The following LARGE1 variants were observed in gnomAD, a reference collection of about 807,000 sequenced individuals.
LARGE1 encodes the protein LARGE xylosyl- and glucuronyltransferase 1, also known as xylosyl- and glucuronyltransferase LARGE1.
LARGE1 carries 43 observed loss-of-function variants against 87.6 expected under a neutral mutation model. The observed-to-expected ratio is 0.49, with a 90% CI of 0.38 to 0.63. LARGE1 has a LOEUF of 0.63. Among genes scored for constraint, LARGE1 ranks in the 30% least tolerant of loss-of-function variants. The pLI is 0.00. For synonymous variants in LARGE1, 434 were observed against 394.6 expected, an observed-to-expected ratio of 1.10 and a Z score of -1.18; for missense variants, 802 against 1,000.2, an observed-to-expected ratio of 0.80 and a Z score of 2.67.
At chr22:33,463,816 G>A (rs187470997) in intron 6 of LARGE1, among the ~76,000 whole-genome samples, 54 of 152,214 alleles carry the variant, frequency 3.5e-4, no homozygotes, top group African/African-American at 9.9e-4. Flanking sequence ...AGGATTACAG[G>A]TGCCTGCTAC....
In LARGE1 at chr22:33,225,657, T is replaced by C. The variant is rs527590905; in HGVS notation, c.1731-58825A>G. On this transcript the variant is annotated intron_variant, in intron 11 of 11. Coordinates refer to the LARGE1 transcript ENST00000608642. ...CATGGGGGTTTGGTGTACAGATCAT[T>C]TTATCACCCAGGTACTAAGCATAGT... 1.3e-3 allele frequency among the ~76,000 whole-genome samples: 203 copies of C among 152,256 alleles called. 1 individual carries two copies. Among genetic ancestry groups the C allele is most frequent in the African/African-American group, 4.5e-3 (187 of 41,536 alleles).
At chr22:33,239,073 G>A (rs531153783) in intron 11 of LARGE1, among the ~76,000 whole-genome samples, 2 of 150,626 alleles carry the variant, frequency 1.3e-5, no homozygotes, top group African/African-American at 4.9e-5. Context: ...ATCGCAAAAA[G>A]GAGAGAGAAG....
rs892705514 is a variant in LARGE1 at position 33,623,707 on chromosome 22, A to T, written c.491+2537T>A. ...CACACAGCAAAAGTTAACTGATTTA[A>T]AAAAAAAAAAAAAAAAAACCTAAAG... On this transcript the variant is annotated intron_variant, in intron 4 of 14. Coordinates refer to ENST00000397394, the MANE Select transcript of LARGE1 (RefSeq NM_133642.5). 8.3e-4 allele frequency among the ~76,000 whole-genome samples: 23 copies of T among 27,666 alleles called. No homozygotes were observed. In the East Asian group the frequency reaches 0.014, roughly 17 times the overall value. 18.1% of individuals were successfully genotyped at this position (27,666 alleles called of 152,430 possible).
chr22:33,570,841 T>C (rs896626886), intron 5 of LARGE1, among the ~76,000 whole-genome samples: 1 of 151,832 alleles, frequency 6.6e-6, no homozygotes, highest in African/African-American at 2.4e-5. Context: ...CTCATTTCCA[T>C]GCCGCAACAC....
chr22:33,805,019 G>T (rs988997428), intron 1 of LARGE1, among the ~76,000 whole-genome samples: 1 of 152,240 alleles, frequency 6.6e-6, no homozygotes, highest in East Asian at 1.9e-4. Context: ...AACTCCTAAT[G>T]TTCTCTCCCA....
chr22:33,731,212 C>T (rs2083456337), intron 2 of LARGE1, among the ~76,000 whole-genome samples: 1 of 151,546 alleles, frequency 6.6e-6, no homozygotes, highest in African/African-American at 2.4e-5. Flanking sequence ...ACCATGTTAG[C>T]CACGATGGTC....
At chr22:33,906,528 A>C (rs916025761) in intron 1 of LARGE1, among the ~76,000 whole-genome samples, 1 of 152,180 alleles carries the variant, frequency 6.6e-6, no homozygotes, top group Non-Finnish European at 1.5e-5. Flanking sequence ...CAGCTTAGAG[A>C]GCTGTCAAAA....
chr22:33,277,730 A>G (rs1929620624), intron 13 of LARGE1, among the ~76,000 whole-genome samples: 1 of 152,142 alleles, frequency 6.6e-6, no homozygotes, highest in African/African-American at 2.4e-5. Flanking sequence ...TGAGAGAATA[A>G]ATTTCTATTA....
In LARGE1 at chr22:33,381,853, T is replaced by C. The variant is rs553172488; in HGVS notation, c.1131+66A>G. 5.6e-6 allele frequency: 9 copies of C among 1,596,726 alleles called. No individual in the cohort carries two copies. In the East Asian group the frequency reaches 1.1e-4, roughly 20 times the overall value. ...TGCACATAAATCTCCCAGCCATCCA[T>C]GCCCCTGGGAGGTCCTCTCGGCCCA... On this transcript the variant is annotated intron_variant, in intron 9 of 14. Transcript: ENST00000397394.
chr22:33,227,056 ATATT>A (rs58154277), intron 11 of LARGE1, among the ~76,000 whole-genome samples: 3,755 of 152,240 alleles, frequency 0.025, 51 homozygotes, highest in African/African-American at 0.033. Flanking sequence ...CTGAGTGACT[ATATT>A]TATTTATTTA....
chr22:33,268,444 T>G (rs1426973704), downstream of LARGE1, among the ~76,000 whole-genome samples: 1 of 151,482 alleles, frequency 6.6e-6, no homozygotes, highest in Non-Finnish European at 1.5e-5. Flanking sequence ...TTTTTTTTTT[T>G]TTGAGATGGA....
the LARGE1 span, among the ~76,000 whole-genome samples, chr22:33,078,708 CTG>C: frequency 6.6e-6 from 1 of 152,172 alleles, no homozygotes; most frequent in Admixed American, 6.5e-5. Context: ...GTGCCAGGGA[CTG>C]TGCAAGATAC....
At chr22:33,718,208 T>C (rs2082969528) in intron 2 of LARGE1, among the ~76,000 whole-genome samples, 1 of 152,132 alleles carries the variant, frequency 6.6e-6, no homozygotes, top group Non-Finnish European at 1.5e-5. Flanking sequence ...CACCTGGGGA[T>C]CAATACCAAC....
At chr22:33,406,206 T>C (rs1164622956) in intron 7 of LARGE1, among the ~76,000 whole-genome samples, 1 of 152,192 alleles carries the variant, frequency 6.6e-6, no homozygotes, top group Non-Finnish European at 1.5e-5. Flanking sequence ...GCTTCCTCTA[T>C]GACCACGGCT....
intron 9 of LARGE1, among the ~76,000 whole-genome samples, chr22:33,364,792 G>C (rs191420694): frequency 1.8e-4 from 28 of 152,222 alleles, no homozygotes; most frequent in Admixed American, 1.0e-3. Context: ...TGCCTCCTGG[G>C]TTCATGCAAA....
At chr22:33,319,307 C>A (rs1421174430) in intron 10 of LARGE1, among the ~76,000 whole-genome samples, 2 of 152,202 alleles carry the variant, frequency 1.3e-5, no homozygotes, top group African/African-American at 4.8e-5. Context: ...CCGAGGCTAG[C>A]TTGCTGGAAG....
intron 5 of LARGE1, among the ~76,000 whole-genome samples, chr22:33,594,364 A>C (rs566400565): frequency 2.6e-5 from 4 of 152,172 alleles, no homozygotes; most frequent in Admixed American, 6.5e-5. Flanking sequence ...ATGCCAAAAA[A>C]AGAACCCCAA....
At chr22:33,480,119 GC>G (rs1408755477) in intron 6 of LARGE1, among the ~76,000 whole-genome samples, 1 of 152,172 alleles carries the variant, frequency 6.6e-6, no homozygotes, top group African/African-American at 2.4e-5. Context: ...CCCCCCAGGA[GC>G]TACTCAAAGC....
chr22:33,160,984 T>C (rs1399051361), downstream of LARGE1, among the ~76,000 whole-genome samples: 1 of 152,232 alleles, frequency 6.6e-6, no homozygotes, highest in African/African-American at 2.4e-5. Context: ...TCCATTCTCA[T>C]GCTGCTATAA....
Sources: allele counts gnomAD v4.1 joint callset (sites outside exome capture counted in the v4.1 genomes callset), GRCh38; gene constraint gnomAD v4.1.1; transcripts MANE v1.5; gene names NCBI Gene and HGNC (gene_info 2026-07-23, HGNC 2026-07-21).